The following CALN1 variants were observed in gnomAD, a reference collection of about 807,000 sequenced individuals.
CALN1 encodes calneuron 1, also known as calcium-binding protein 8.
In CALN1, 17 loss-of-function variants were observed where a neutral mutation model predicts 30.6. That is an observed-to-expected ratio of 0.56 (90% CI 0.38 to 0.83). The LOEUF (loss-of-function observed/expected upper bound fraction) is 0.83, where lower values mean the gene tolerates loss of function less well. Among genes scored for constraint, CALN1 ranks in the 40% least tolerant of loss-of-function variants. The pLI is 0.00. For missense variants in CALN1, 291 were observed against 354.9 expected, an observed-to-expected ratio of 0.82 and a Z score of 1.45; for synonymous variants, 156 against 131.4, an observed-to-expected ratio of 1.19 and a Z score of -1.28.
intron 4 of CALN1, among the ~76,000 whole-genome samples, chr7:72,083,150 G>A (rs568433095): frequency 1.3e-3 from 203 of 151,976 alleles, no homozygotes; most frequent in African/African-American, 4.8e-3. Flanking sequence ...GCAGTGAGCC[G>A]AGATCGCACC....
chr7:72,097,211 T>C (rs1409886154), intron 4 of CALN1, among the ~76,000 whole-genome samples: 1 of 151,960 alleles, frequency 6.6e-6, no homozygotes, highest in East Asian at 1.9e-4. Flanking sequence ...CTAATGTAAA[T>C]GACGAATTAA....
intron 2 of CALN1, among the ~76,000 whole-genome samples, chr7:72,292,838 T>C (rs1239592772): frequency 1.2e-5 from 1 of 80,680 alleles, no homozygotes. Context: ...AAAAAAAGAA[T>C]TTCAACATAT....
At chr7:71,971,953 A>AAAAAAAAAAAAAAAAGAAAG (rs1797839188) in intron 5 of CALN1, among the ~76,000 whole-genome samples, 3 of 72,838 alleles carry the variant, frequency 4.1e-5, no homozygotes, top group Non-Finnish European at 6.7e-5. Flanking sequence ...AAAAAAAAAA[A>AAAAAAAAAAAAAAAAGAAAG]AAAGAAAGAA....
intron 3 of CALN1, among the ~76,000 whole-genome samples, chr7:72,170,630 C>A (rs1247977255): frequency 6.6e-6 from 1 of 152,210 alleles, no homozygotes; most frequent in East Asian, 1.9e-4. Flanking sequence ...ACATCCTAAG[C>A]TCCAAGATGG....
chr7:72,275,607 T>C (rs1166336934), intron 3 of CALN1, among the ~76,000 whole-genome samples: 2 of 152,154 alleles, frequency 1.3e-5, no homozygotes, highest in Admixed American at 6.5e-5. Flanking sequence ...ATTACCCTCC[T>C]GAAGGACAAA....
At chr7:72,392,462 T>C (rs1805636490) in intron 2 of CALN1, among the ~76,000 whole-genome samples, 3 of 152,148 alleles carry the variant, frequency 2.0e-5, no homozygotes, top group Non-Finnish European at 4.4e-5. Context: ...TGAACGGTGC[T>C]GATGGGAGAG....
chr7:71,818,081 G>C lies in CALN1; in HGVS notation c.502-7589C>G, dbSNP rs17144003. ...GATACTGTGATGGGAATACAAAAGC[G>C]AACAATACATAAATCCTGTTCTTGA... On this transcript the variant is annotated intron_variant, in intron 5 of 6. Coordinates refer to ENST00000395275, the MANE Select transcript of CALN1 (RefSeq NM_031468.4). Among the ~76,000 whole-genome samples, 167 of 152,026 alleles carry C rather than the reference G, an allele frequency of 1.1e-3. 1 individual carries two copies. The highest frequency in any genetic ancestry group is 4.0e-3 in the African/African-American group (165 of 41,458).
intron 5 of CALN1, among the ~76,000 whole-genome samples, chr7:71,838,188 T>A (rs972610887): frequency 6.6e-6 from 1 of 152,192 alleles, no homozygotes; most frequent in African/African-American, 2.4e-5. Context: ...TTAATATGAA[T>A]GGAAATATAG....
intron 2 of CALN1, among the ~76,000 whole-genome samples, chr7:72,348,700 G>GCC (rs1475425770): frequency 6.6e-6 from 1 of 152,160 alleles, no homozygotes; most frequent in African/African-American, 2.4e-5. Flanking sequence ...CATATGGATT[G>GCC]CCCCTTCCTG....
chr7:72,354,638 CGT>C (rs1254548430), intron 2 of CALN1, among the ~76,000 whole-genome samples: 2 of 152,106 alleles, frequency 1.3e-5, no homozygotes, highest in African/African-American at 4.8e-5. Context: ...GACTCACTTG[CGT>C]GTGACCAATT....
At chr7:71,838,941 A>G (rs538596276) in intron 5 of CALN1, among the ~76,000 whole-genome samples, 10 of 152,142 alleles carry the variant, frequency 6.6e-5, no homozygotes, top group Non-Finnish European at 1.3e-4. Context: ...TGTCTTTATT[A>G]GCAGCATGAG....
At chr7:72,292,382 G>C (rs1196918377) in intron 2 of CALN1, among the ~76,000 whole-genome samples, 1 of 150,720 alleles carries the variant, frequency 6.6e-6, no homozygotes, top group Admixed American at 6.6e-5. Context: ...GGACATTCGT[G>C]AGGATTCCAC....
At chr7:72,246,237 A>G (rs972114747) in intron 3 of CALN1, among the ~76,000 whole-genome samples, 1 of 152,180 alleles carries the variant, frequency 6.6e-6, no homozygotes, top group Non-Finnish European at 1.5e-5. Flanking sequence ...CCTCTCTCAG[A>G]TAGAACTGAG....
At chr7:71,815,797 ACCCTCCCGCCCTCCCTTCTTTTCTTCCT>A (rs1373459392) in intron 5 of CALN1, among the ~76,000 whole-genome samples, 4 of 14,822 alleles carry the variant, frequency 2.7e-4, no homozygotes, top group Non-Finnish European at 3.8e-4. Context: ...CTCCCTTCCC[ACCCTCCCGCCCTCCCTTCTTTTCTTCCT>A]CCCTCCCTCC....
chr7:72,373,830 G>A (rs559469439), intron 2 of CALN1, among the ~76,000 whole-genome samples: 17 of 152,190 alleles, frequency 1.1e-4, no homozygotes, highest in Admixed American at 7.9e-4. Context: ...ATCATAAACT[G>A]ATGAGAATTA....
chr7:72,360,275 A>C (rs1803494746), intron 2 of CALN1, among the ~76,000 whole-genome samples: 2 of 152,178 alleles, frequency 1.3e-5, no homozygotes, highest in African/African-American at 4.8e-5. Context: ...CTAAATATTT[A>C]ATGGTGAAGT....
chr7:72,002,035 C>G (rs1799550942), intron 5 of CALN1, among the ~76,000 whole-genome samples: 2 of 152,158 alleles, frequency 1.3e-5, no homozygotes. Context: ...GAAGAATTAA[C>G]TGAACTTGGT....
chr7:72,406,995 C>T (rs1051611490), intron 1 of CALN1, among the ~76,000 whole-genome samples: 1 of 152,166 alleles, frequency 6.6e-6, no homozygotes, highest in African/African-American at 2.4e-5. Flanking sequence ...TGCCCAGTCA[C>T]TCTTTCAGGG....
chr7:72,008,636 C>A (rs1285922873), intron 5 of CALN1, among the ~76,000 whole-genome samples: 3 of 150,958 alleles, frequency 2.0e-5, no homozygotes, highest in African/African-American at 4.9e-5. Context: ...TAATTCAAAC[C>A]ATGGTATGAG....
Sources: gnomAD v4.1 joint callset for allele counts (sites outside exome capture counted in the v4.1 genomes callset) on GRCh38, gnomAD v4.1.1 for gene constraint, MANE v1.5 for transcripts, NCBI Gene and HGNC (gene_info 2026-07-23, HGNC 2026-07-21) for gene names.